Variants in PIEZO1 observed in about 807,000 individuals in gnomAD.
PIEZO1 encodes piezo-type mechanosensitive ion channel component 1.
A neutral mutation model predicts 297.2 loss-of-function variants in PIEZO1; 296 were observed. The observed-to-expected ratio is 1.00, with a 90% CI of 0.91 to 1.10. The LOEUF is 1.10. Ranked by LOEUF, PIEZO1 falls within the 50% of genes least tolerant of loss-of-function variation. PIEZO1 has a pLI of 0.00. For missense variants in PIEZO1, 5,018 were observed against 3,455.5 expected (o/e 1.45, Z -11.34); for synonymous variants, 2,427 against 1,507.5 (o/e 1.61, Z -14.13).
chr16:88,740,762 G>A (rs760104353), intron 5 of PIEZO1: 1 of 152,382 alleles, frequency 6.6e-6, no homozygotes. Flanking sequence ...GGAGGGTGAG[G>A]TGGGAGGAGG....
At chr16:88,749,008 C>A (rs867221859) in intron 2 of PIEZO1, among the ~76,000 whole-genome samples, 3 of 146,470 alleles carry the variant, frequency 2.0e-5, no homozygotes, top group African/African-American at 7.6e-5. Flanking sequence ...GAGGCCGAGG[C>A]GGGCGGATCA....
At chr16:88,784,489 CT>C (rs113478686) in intron 1 of PIEZO1, among the ~76,000 whole-genome samples, 21 of 149,314 alleles carry the variant, frequency 1.4e-4, no homozygotes, top group African/African-American at 2.2e-4. Context: ...CAACTTTGCG[CT>C]TTTTTTTTTA....
chr16:88,777,299 G>C (rs1282552771), intron 1 of PIEZO1, among the ~76,000 whole-genome samples: 2 of 152,246 alleles, frequency 1.3e-5, no homozygotes, highest in Non-Finnish European at 2.9e-5. Flanking sequence ...AAGCACAAGG[G>C]CGTGCACCCA....
chr16:88,741,217 A>G, intron 5 of PIEZO1: 1 of 391,778 alleles, frequency 2.6e-6, no homozygotes, highest in South Asian at 3.6e-5. Context: ...TCCCCTGTGA[A>G]GAGTTCCTAA....
At chr16:88,760,467 T>C (rs914136097) in intron 1 of PIEZO1, among the ~76,000 whole-genome samples, 1 of 152,272 alleles carries the variant, frequency 6.6e-6, no homozygotes, top group Non-Finnish European at 1.5e-5. Context: ...TGTCATCTCA[T>C]GGGAGAACCC....
At chr16:88,747,357 AAC>A (rs1431515634) in intron 2 of PIEZO1, among the ~76,000 whole-genome samples, 3 of 152,176 alleles carry the variant, frequency 2.0e-5, no homozygotes, top group African/African-American at 7.2e-5. Context: ...TCTCTACAAA[AAC>A]ACAAAAATTA....
rs532352690 is a variant in PIEZO1 at position 88,731,197 on chromosome 16, G to C, written c.3196+509C>G. Reference sequence around the variant, plus strand: ...AGACAAGAGACTAGAGCAAACATCAGACCAGATCCCGTCTGAAAACCAAAT... The same window carrying C: ...AGACAAGAGACTAGAGCAAACATCACACCAGATCCCGTCTGAAAACCAAAT... On this transcript the variant is annotated intron_variant, in intron 22 of 50. Transcript: ENST00000301015. 8.4e-5 allele frequency: 14 copies of C among 167,430 alleles called. 1 individual carries two copies. Among genetic ancestry groups the C allele is most frequent in the African/African-American group, 2.9e-4 (12 of 41,932 alleles). 10.4% of individuals were successfully genotyped at this position (167,430 alleles called of 1,614,324 possible).
In PIEZO1 at chr16:88,749,411, G is replaced by C; in HGVS notation, c.133C>G (p.Pro45Ala). 1 of 1,520,464 alleles carries C rather than the reference G, an allele frequency of 6.6e-7. No homozygotes were observed. The highest frequency in any genetic ancestry group is 1.2e-5 in the South Asian group (1 of 80,886). 94.2% of individuals were successfully genotyped at this position (1,520,464 alleles called of 1,614,324 possible). Residue 45 changes from proline to alanine, a missense_variant, in exon 2 of 51, where the codon CCC becomes GCC. Physicochemically the swap from Pro to Ala is conservative, Grantham distance 27 (BLOSUM62 -1). Coordinates refer to ENST00000301015, the MANE Select transcript of PIEZO1 (RefSeq NM_001142864.4). ...TGGAGGCCGCATCGGGTGGGGCCGG[G>C]GAACCAGGGCAGCAGCAGCAGGAAG... ...LLFLLLLPWFPGPTRCGLQGH... is the reference protein window; with the variant it reads ...LLFLLLLPWFAGPTRCGLQGH...
chr16:88,742,172 C>A, intron 3 of PIEZO1, 77 bp from the exon 4 acceptor site: 1 of 1,518,236 alleles, frequency 6.6e-7, no homozygotes, highest in Non-Finnish European at 8.8e-7. Context: ...TGGAGCGTTT[C>A]ACCTGGACCA....
chr16:88,768,840 G>A (rs1051678120), intron 1 of PIEZO1, among the ~76,000 whole-genome samples: 3 of 152,246 alleles, frequency 2.0e-5, no homozygotes, highest in Non-Finnish European at 4.4e-5. Flanking sequence ...GAGCTGCAGG[G>A]CCCAGTCCGG....
In PIEZO1 at chr16:88,765,343, C is replaced by T. The variant is rs116514603; in HGVS notation, c.65-15864G>A. On this transcript the variant is annotated intron_variant, in intron 1 of 50. Coordinates refer to ENST00000301015, the MANE Select transcript of PIEZO1 (RefSeq NM_001142864.4). ...ACCTTGCTTCCCCTTCCCCCCAGGC[C>T]ACTGGGACAGGGCAGGAGAGGGAGG... Among the ~76,000 whole-genome samples the T allele has an allele frequency of 8.0e-3, 1,222 of 152,316 alleles. 24 individuals carry two copies. Among genetic ancestry groups the T allele is most frequent in the African/African-American group, 0.027 (1,134 of 41,574 alleles).
At chr16:88,719,150 G>A (rs1186365965) in intron 44 of PIEZO1, 6 of 201,778 alleles carry the variant, frequency 3.0e-5, no homozygotes, top group East Asian at 1.4e-4. Flanking sequence ...TGCCCGGCCC[G>A]GGGTTTCTTT....
intron 16 of PIEZO1, 141 bp from the exon 17 acceptor site, chr16:88,734,195 T>A (rs1280871757): frequency 1.6e-6 from 2 of 1,225,048 alleles, no homozygotes; most frequent in Non-Finnish European, 2.2e-6. Context: ...ATGCCCACTG[T>A]CCCTGTGACC....
chr16:88,727,137 C>T lies in PIEZO1; in HGVS notation c.3357G>A (p.Glu1119=), dbSNP rs1288181447. 1.3e-6 allele frequency: 2 copies of T among 1,549,852 alleles called. No homozygotes were observed. Among genetic ancestry groups the T allele is most frequent in the Non-Finnish European group, 1.7e-6 (2 of 1,146,644 alleles). ...ASQQWQVFSA[E]RTEEWQRMAG... ...CCATGCGCTGCCACTCCTCTGTGCG[C>T]TCAGCTGAGAACACCTGCCACTGCT... is the stretch of plus-strand genomic sequence containing the variant. Residue 1119 remains glutamate (E), a synonymous_variant, in exon 24 of 51, where the codon GAG becomes GAA. Transcript: ENST00000301015.
In PIEZO1 at chr16:88,727,065, G is replaced by A. The variant is rs1484361843; in HGVS notation, c.3429C>T (p.Asn1143=). The change falls in exon 24 of 51, where the codon AAC becomes AAT. Residue 1143 remains asparagine, a synonymous_variant. Coordinates refer to ENST00000301015, the MANE Select transcript of PIEZO1 (RefSeq NM_001142864.4). ...DRLEPLRGEP[N]PVPNFIHCRS... ...TGCAGTGGATAAAGTTGGGCACGGG[G>A]TTGGGCTCCCCCCGCAGCGGCTCCA... The A allele has an allele frequency of 3.9e-6, 6 of 1,549,332 alleles. No individual in the cohort carries two copies. The South Asian group carries it at 4.8e-5, about 12-fold the overall frequency.
chr16:88,724,159 G>C (rs1307081652), intron 30 of PIEZO1, among the ~76,000 whole-genome samples, 188 bp from the exon 31 acceptor site: 3 of 152,254 alleles, frequency 2.0e-5, no homozygotes, highest in Non-Finnish European at 4.4e-5. Flanking sequence ...CTGAGGAGCA[G>C]AGCCAGCGCG....
intron 30 of PIEZO1, among the ~76,000 whole-genome samples, chr16:88,724,506 G>C (rs1469961838): frequency 6.6e-6 from 1 of 150,930 alleles, no homozygotes; most frequent in African/African-American, 2.4e-5. Context: ...ACTGTAGCCT[G>C]GGCGACAGGG....
At chr16:88,746,318 G>A (rs971802101) in intron 2 of PIEZO1, among the ~76,000 whole-genome samples, 1 of 152,166 alleles carries the variant, frequency 6.6e-6, no homozygotes, top group African/African-American at 2.4e-5. Flanking sequence ...CCAGACAGCA[G>A]GGTCAGTCTT....
At chr16:88,759,388 C>T (rs1051165203) in intron 1 of PIEZO1, among the ~76,000 whole-genome samples, 8 of 152,232 alleles carry the variant, frequency 5.3e-5, no homozygotes, top group Non-Finnish European at 7.3e-5. Context: ...CAGGCCAGGG[C>T]AGCTACAGGG....
Sources: gnomAD v4.1 joint callset for allele counts (sites outside exome capture counted in the v4.1 genomes callset) on GRCh38, gnomAD v4.1.1 for gene constraint, MANE v1.5 for transcripts, NCBI Gene and HGNC (gene_info 2026-07-23, HGNC 2026-07-21) for gene names.